The following TNFSF4 variants were observed in gnomAD, a reference collection of about 807,000 sequenced individuals.
TNFSF4 encodes TNF superfamily member 4, also known as tumor necrosis factor ligand superfamily member 4.
Under a neutral mutation model 7.3 loss-of-function variants are expected in TNFSF4, and 4 were observed. The ratio of observed to expected loss-of-function variants is 0.55; its 90% CI spans 0.27 to 1.25. TNFSF4 has a LOEUF of 1.25. Among genes scored for constraint, TNFSF4 ranks in the 50% most tolerant of loss-of-function variants. The probability of loss-of-function intolerance (pLI) is 0.12; values close to 1 mark genes in which losing one functional copy is unlikely to be tolerated. For missense variants in TNFSF4, 181 were observed against 208.8 expected (o/e 0.87, Z 0.82); for synonymous variants, 76 against 83.7 (o/e 0.91, Z 0.50).
At chr1:173,244,647 A>AC in the TNFSF4 span, among the ~76,000 whole-genome samples, 7 of 126,420 alleles carry the variant, frequency 5.5e-5, 1 homozygote, top group African/African-American at 2.3e-4. Flanking sequence ...GTCTCAAAAA[A>AC]AAACAAAAAA....
the TNFSF4 span, among the ~76,000 whole-genome samples, chr1:173,324,015 C>T: frequency 6.6e-6 from 1 of 152,124 alleles, no homozygotes; most frequent in Admixed American, 6.6e-5. Context: ...CATAGAACGC[C>T]ACAAAGATAC....
chr1:173,202,045 C>T (rs1211971986), intron 1 of TNFSF4, among the ~76,000 whole-genome samples: 1 of 140,762 alleles, frequency 7.1e-6, no homozygotes, highest in Non-Finnish European at 1.5e-5. Context: ...GAAGTAATTG[C>T]TATATATATA....
the TNFSF4 span, among the ~76,000 whole-genome samples, chr1:173,425,467 C>T: frequency 4.9e-4 from 75 of 152,154 alleles, no homozygotes; most frequent in African/African-American, 1.8e-3. Flanking sequence ...AATGGAATCC[C>T]CAGGATTTAG....
At chr1:173,366,690 C>A in the TNFSF4 span, among the ~76,000 whole-genome samples, 1 of 152,068 alleles carries the variant, frequency 6.6e-6, no homozygotes, top group African/African-American at 2.4e-5. Flanking sequence ...CCTATTTACC[C>A]TGATGTGATC....
At chr1:173,221,652 C>A in the TNFSF4 span, among the ~76,000 whole-genome samples, 1 of 152,134 alleles carries the variant, frequency 6.6e-6, no homozygotes, top group Non-Finnish European at 1.5e-5. Context: ...AGGCAGTTTG[C>A]AAATGAAGAG....
At chr1:173,218,643 T>G in the TNFSF4 span, among the ~76,000 whole-genome samples, 1 of 152,114 alleles carries the variant, frequency 6.6e-6, no homozygotes, top group Non-Finnish European at 1.5e-5. Flanking sequence ...TTACATTACA[T>G]CGAAGCTCCT....
At chr1:173,391,492 A>G in the TNFSF4 span, among the ~76,000 whole-genome samples, 1 of 148,606 alleles carries the variant, frequency 6.7e-6, no homozygotes, top group African/African-American at 2.5e-5. Context: ...GCTCAGCCCT[A>G]TATTCTCAAG....
chr1:173,396,945 G>A, the TNFSF4 span, among the ~76,000 whole-genome samples: 4 of 152,220 alleles, frequency 2.6e-5, no homozygotes, highest in African/African-American at 7.2e-5. Flanking sequence ...CAGCCACTGA[G>A]TTAAGAATTA....
chr1:173,198,144 C>T (rs1321985579), intron 1 of TNFSF4, among the ~76,000 whole-genome samples: 1 of 152,124 alleles, frequency 6.6e-6, no homozygotes, highest in Non-Finnish European at 1.5e-5. Context: ...TGCTATATAA[C>T]AAGGAGGGAA....
the TNFSF4 span, among the ~76,000 whole-genome samples, chr1:173,279,993 C>T: frequency 6.6e-6 from 1 of 152,088 alleles, no homozygotes; most frequent in African/African-American, 2.4e-5. Context: ...AGCCTCATCT[C>T]TTTTCAAACT....
chr1:173,425,071 C>T, the TNFSF4 span, among the ~76,000 whole-genome samples: 1 of 152,182 alleles, frequency 6.6e-6, no homozygotes, highest in African/African-American at 2.4e-5. Context: ...AATATTCCAC[C>T]CAGCCACATA....
At chr1:173,281,464 G>A in the TNFSF4 span, among the ~76,000 whole-genome samples, 4 of 152,062 alleles carry the variant, frequency 2.6e-5, no homozygotes, top group Non-Finnish European at 5.9e-5. Flanking sequence ...AGTGGTATGT[G>A]CACAACATAT....
In TNFSF4 at chr1:173,205,186, G is replaced by T. The variant is rs532682352; in HGVS notation, c.153+1838C>A. On this transcript the variant is annotated intron_variant, in intron 1 of 2. Coordinates refer to ENST00000281834, the MANE Select transcript of TNFSF4 (RefSeq NM_003326.5). ...CTTCAAATATCCTGAGCAAAAAAAA[G>T]AAATCTATTTTCAGAGTAGACAGGG... 39 of 1,169,234 alleles carry T rather than the reference G, an allele frequency of 3.3e-5. No homozygotes were observed. In the East Asian group the frequency reaches 6.6e-4, roughly 20 times the overall value. The allele number at this position is 1,169,234 out of a possible 1,614,324, so 72.4% of individuals were successfully genotyped here.
chr1:173,426,756 C>T, the TNFSF4 span, among the ~76,000 whole-genome samples: 9 of 152,102 alleles, frequency 5.9e-5, no homozygotes, highest in African/African-American at 1.9e-4. Context: ...CCACACCCAG[C>T]AGATTTTTTC....
chr1:173,246,695 T>G, the TNFSF4 span, among the ~76,000 whole-genome samples: 1 of 152,234 alleles, frequency 6.6e-6, no homozygotes, highest in African/African-American at 2.4e-5. Context: ...ACTAAAGTAC[T>G]AGATGTAAAG....
At chr1:173,267,876 GAGAGGAGAGGAGAGC>G in the TNFSF4 span, among the ~76,000 whole-genome samples, 1 of 140,150 alleles carries the variant, frequency 7.1e-6, no homozygotes, top group African/African-American at 2.6e-5. Flanking sequence ...GAGATGAGAG[GAGAGGAGAGGAGAGC>G]AGAGGAGAGG....
At chr1:173,333,941 G>C in the TNFSF4 span, among the ~76,000 whole-genome samples, 1 of 151,960 alleles carries the variant, frequency 6.6e-6, no homozygotes, top group East Asian at 1.9e-4. Flanking sequence ...GGGTTCTCCA[G>C]GGTTTCAGGG....
the TNFSF4 span, among the ~76,000 whole-genome samples, chr1:173,212,945 G>A: frequency 8.5e-5 from 13 of 152,262 alleles, no homozygotes; most frequent in East Asian, 9.6e-4. Flanking sequence ...GCAAGTTCCT[G>A]AGGTTAGGAG....
the TNFSF4 span, among the ~76,000 whole-genome samples, chr1:173,266,114 A>C: frequency 6.6e-6 from 1 of 152,032 alleles, no homozygotes; most frequent in African/African-American, 2.4e-5. Context: ...GTGCAAGAGT[A>C]AGAAGGATGG....
Sources: allele counts gnomAD v4.1 joint callset (sites outside exome capture counted in the v4.1 genomes callset), GRCh38; gene constraint gnomAD v4.1.1; transcripts MANE v1.5; gene names NCBI Gene and HGNC (gene_info 2026-07-23, HGNC 2026-07-21).